Variants in CDKAL1 observed in about 807,000 individuals in gnomAD.
The protein encoded by CDKAL1 is threonylcarbamoyladenosine tRNA methylthiotransferase.
A neutral mutation model predicts 68.2 loss-of-function variants in CDKAL1; 32 were observed. The ratio of observed to expected loss-of-function variants is 0.47; its 90% CI spans 0.35 to 0.63. CDKAL1 has a LOEUF of 0.63. Among genes scored for constraint, CDKAL1 ranks in the 30% least tolerant of loss-of-function variants. The pLI, the probability that CDKAL1 is intolerant of heterozygous loss-of-function variation, is 0.00. For missense variants in CDKAL1, 606 were observed against 696.7 expected, an observed-to-expected ratio of 0.87 and a Z score of 1.47; for synonymous variants, 234 against 244.3, an observed-to-expected ratio of 0.96 and a Z score of 0.39.
chr6:20,950,112 A>G, intron 9 of CDKAL1, among the ~76,000 whole-genome samples: 1 of 151,840 alleles, frequency 6.6e-6, no homozygotes, highest in South Asian at 2.1e-4. Context: ...TGCAAAGAAG[A>G]GTAGAGGTCA....
intron 11 of CDKAL1, among the ~76,000 whole-genome samples, chr6:21,020,454 TTTTTA>T (rs1768583603): frequency 6.6e-6 from 1 of 152,132 alleles, no homozygotes; most frequent in African/African-American, 2.4e-5. Context: ...ACTTCTGTCT[TTTTTA>T]TTTTATTTAT....
intron 4 of CDKAL1, among the ~76,000 whole-genome samples, chr6:20,609,828 A>G (rs1258193562): frequency 2.0e-5 from 3 of 152,074 alleles, no homozygotes; most frequent in African/African-American, 4.8e-5. Flanking sequence ...GGTTTGTTAC[A>G]TAGGTAAACT....
chr6:20,654,353 A>G (rs938041277), intron 5 of CDKAL1, among the ~76,000 whole-genome samples: 1 of 151,406 alleles, frequency 6.6e-6, no homozygotes, highest in Non-Finnish European at 1.5e-5. Flanking sequence ...TGTGTCTTAC[A>G]TATCCTAATC....
At chr6:21,113,492 G>A (rs979911959) in intron 13 of CDKAL1, among the ~76,000 whole-genome samples, 1 of 151,680 alleles carries the variant, frequency 6.6e-6, no homozygotes, top group African/African-American at 2.4e-5. Context: ...CAAAAAAACG[G>A]GGTTTTTTTG....
intron 12 of CDKAL1, among the ~76,000 whole-genome samples, chr6:21,099,942 C>T (rs1006738405): frequency 6.6e-6 from 1 of 152,180 alleles, no homozygotes; most frequent in African/African-American, 2.4e-5. Flanking sequence ...CCTTTCCTTG[C>T]AAAGAAATGT....
chr6:21,066,003 T>G (rs1482084725), intron 12 of CDKAL1, among the ~76,000 whole-genome samples: 1 of 151,662 alleles, frequency 6.6e-6, no homozygotes, highest in Admixed American at 6.6e-5. Flanking sequence ...CCGCAATTAC[T>G]TTTGCACTAA....
intron 4 of CDKAL1, among the ~76,000 whole-genome samples, chr6:20,554,974 G>T (rs1763978205): frequency 1.3e-5 from 2 of 152,356 alleles, no homozygotes; most frequent in South Asian, 4.1e-4. Context: ...AGAATAGAGT[G>T]TTTAGCCTGG....
intron 9 of CDKAL1, among the ~76,000 whole-genome samples, chr6:20,918,004 A>G (rs1216725499): frequency 1.3e-5 from 2 of 151,952 alleles, no homozygotes; most frequent in East Asian, 1.9e-4. Flanking sequence ...CTAGCTACTC[A>G]GGTGGTTGAG....
intron 7 of CDKAL1, among the ~76,000 whole-genome samples, chr6:20,775,802 T>A (rs1775146303): frequency 6.6e-6 from 1 of 152,214 alleles, no homozygotes; most frequent in East Asian, 1.9e-4. Context: ...AGGAATTAAT[T>A]TGAAACAGCA....
intron 8 of CDKAL1, among the ~76,000 whole-genome samples, chr6:20,788,064 A>G (rs1233444671): frequency 6.6e-6 from 1 of 152,176 alleles, no homozygotes; most frequent in African/African-American, 2.4e-5. Flanking sequence ...GCTATTAACT[A>G]CTTGTAATTA....
intron 8 of CDKAL1, among the ~76,000 whole-genome samples, chr6:20,797,348 G>A (rs1196782665): frequency 1.3e-5 from 2 of 152,174 alleles, no homozygotes; most frequent in Non-Finnish European, 2.9e-5. Flanking sequence ...ATAGTACCAG[G>A]TACTGGAGAG....
chr6:21,230,334 A>G (rs758622579), intron 15 of CDKAL1, among the ~76,000 whole-genome samples: 1 of 152,054 alleles, frequency 6.6e-6, no homozygotes, highest in Non-Finnish European at 1.5e-5. Context: ...GCTAATTTTT[A>G]TATTTTTAGT....
intron 12 of CDKAL1, among the ~76,000 whole-genome samples, chr6:21,069,859 A>C (rs1771672652): frequency 7.7e-6 from 1 of 129,466 alleles, no homozygotes; most frequent in Non-Finnish European, 1.5e-5. Flanking sequence ...GCGCCATCTC[A>C]GCTCACTGCA....
intron 4 of CDKAL1, among the ~76,000 whole-genome samples, chr6:20,623,202 T>C (rs1767276022): frequency 6.6e-6 from 1 of 152,122 alleles, no homozygotes; most frequent in African/African-American, 2.4e-5. Context: ...TTCATTTTTT[T>C]AGTAACAACA....
At chr6:20,861,824 C>T (rs184357070) in intron 9 of CDKAL1, among the ~76,000 whole-genome samples, 1 of 152,292 alleles carries the variant, frequency 6.6e-6, no homozygotes, top group Non-Finnish European at 1.5e-5. Flanking sequence ...ATCATGTGGA[C>T]AGAGAGATGC....
intron 5 of CDKAL1, among the ~76,000 whole-genome samples, chr6:20,683,599 G>A (rs1002271806): frequency 6.6e-6 from 1 of 152,082 alleles, no homozygotes; most frequent in African/African-American, 2.4e-5. Flanking sequence ...AAATTGAGAG[G>A]AAGGTACAGA....
intron 5 of CDKAL1, among the ~76,000 whole-genome samples, chr6:20,666,880 A>G (rs1769574105): frequency 6.6e-6 from 1 of 152,152 alleles, no homozygotes; most frequent in South Asian, 2.1e-4. Context: ...TACCACTGGA[A>G]CAGCATGTAC....
At chr6:20,918,501 C>A (rs530965727) in intron 9 of CDKAL1, among the ~76,000 whole-genome samples, 52 of 152,136 alleles carry the variant, frequency 3.4e-4, no homozygotes, top group Non-Finnish European at 7.2e-4. Flanking sequence ...AACAAGTCTG[C>A]CTGCTTCCTT....
intron 9 of CDKAL1, among the ~76,000 whole-genome samples, chr6:20,937,469 T>C (rs1487578168): frequency 6.6e-6 from 1 of 152,232 alleles, no homozygotes; most frequent in African/African-American, 2.4e-5. Context: ...TTATGTAATC[T>C]GCAGACCCTA....
Sources: allele counts gnomAD v4.1 joint callset (sites outside exome capture counted in the v4.1 genomes callset), GRCh38; gene constraint gnomAD v4.1.1; transcripts MANE v1.5; gene names NCBI Gene and HGNC (gene_info 2026-07-23, HGNC 2026-07-21).